The following GRHL2 variants were observed in gnomAD, a reference collection of about 807,000 sequenced individuals.
The protein encoded by GRHL2 is grainyhead like transcription factor 2.
In GRHL2, 21 loss-of-function variants were observed where a neutral mutation model predicts 83.8. The ratio of observed to expected loss-of-function variants is 0.25; its 90% CI spans 0.18 to 0.36. GRHL2 has a LOEUF of 0.36. Among genes scored for constraint, GRHL2 ranks in the 10% least tolerant of loss-of-function variants. The pLI, the probability that GRHL2 is intolerant of heterozygous loss-of-function variation, is 1.00. For missense variants in GRHL2, 623 were observed against 781.8 expected (o/e 0.80, Z 2.42); for synonymous variants, 280 against 278.9 (o/e 1.00, Z -0.04).
At chr8:101,653,686 G>C (rs560075462) in intron 14 of GRHL2, among the ~76,000 whole-genome samples, 1 of 151,788 alleles carries the variant, frequency 6.6e-6, no homozygotes, top group South Asian at 2.1e-4. Flanking sequence ...AGTTCGCAGT[G>C]AGCTGAGATT....
At chr8:101,604,586 C>T (rs1007917862) in intron 8 of GRHL2, among the ~76,000 whole-genome samples, 6 of 152,154 alleles carry the variant, frequency 3.9e-5, no homozygotes, top group African/African-American at 9.7e-5. Context: ...TTCAGGAACA[C>T]TTTTCCTTTT....
At position 101,669,254 on chromosome 8, in the gene GRHL2, C is replaced by CTTTTCTTTCTTTTTTTTT. The variant is rs77984682; in HGVS notation, c.*2555_*2556insCTTTCTTTTTTTTTTTTT. Reference sequence around the variant, plus strand: ...GGACATGTGAAATGAGCATTTTTTTCTTTTTTTTTTTTAACAAAGTCTGAA... The same window carrying CTTTTCTTTCTTTTTTTTT: ...GGACATGTGAAATGAGCATTTTTTTCTTTTCTTTCTTTTTTTTTTTTTTTTTTTTTAACAAAGTCTGAA... On this transcript the variant is annotated 3_prime_UTR_variant, in exon 16 of 16. Coordinates refer to ENST00000646743, the MANE Select transcript of GRHL2 (RefSeq NM_024915.4). The CTTTTCTTTCTTTTTTTTT allele has an allele frequency of 7.9e-6, 1 of 126,626 alleles. No individual in the cohort carries two copies. Among genetic ancestry groups the CTTTTCTTTCTTTTTTTTT allele is most frequent in the Admixed American group, 8.7e-5 (1 of 11,488 alleles). 7.8% of individuals were successfully genotyped at this position (126,626 alleles called of 1,614,324 possible). A position where few individuals can be genotyped will look rare whatever the true frequency, so the allele number is the denominator to read the frequency against.
downstream of GRHL2, among the ~76,000 whole-genome samples, chr8:101,672,166 T>G (rs1399238398): frequency 6.6e-6 from 1 of 151,690 alleles, no homozygotes; most frequent in African/African-American, 2.4e-5. Flanking sequence ...TCCAAAGGAA[T>G]GCAGCTCCTC....
rs144529407 is a variant in GRHL2, at chr8:101,612,823, G to T, written c.1099-6716G>T. On this transcript the variant is annotated intron_variant, in intron 8 of 15. Coordinates refer to ENST00000646743, the MANE Select transcript of GRHL2 (RefSeq NM_024915.4). ...ATGGGCCTAGTACTGGGAATAGAGT[G>T]AGCTTGAGGAAGGCAAGTACCCTCC... is the stretch of plus-strand genomic sequence containing the variant. 4.0e-5 allele frequency among the ~76,000 whole-genome samples: 6 copies of T among 151,066 alleles called. No homozygotes were observed. The East Asian group carries it at 1.2e-3, about 29-fold the overall frequency.
intron 1 of GRHL2, among the ~76,000 whole-genome samples, chr8:101,524,415 T>A (rs1449593503): frequency 6.6e-6 from 1 of 152,192 alleles, no homozygotes; most frequent in Non-Finnish European, 1.5e-5. Context: ...TTCTAACACG[T>A]TACATGCTTA....
rs777841934 is a variant in GRHL2, at chr8:101,570,368, G to A, written c.708G>A (p.Glu236=). The A allele has an allele frequency of 2.5e-6, 4 of 1,613,884 alleles. No homozygotes were observed. The African/African-American group carries it at 4.0e-5, about 16-fold the overall frequency. ...TTCGGAGTGCTTCAGTTGGGGCTGA[G>A]GAGTACATGTATGATCAGACATCAA... ...EKFRSASVGA[E]EYMYDQTSSG... The change falls in exon 5 of 16, where the codon GAG becomes GAA. Residue 236 remains glutamate, a synonymous_variant. Coordinates refer to ENST00000646743, the MANE Select transcript of GRHL2 (RefSeq NM_024915.4).
intron 12 of GRHL2, among the ~76,000 whole-genome samples, chr8:101,641,200 G>A (rs1438182163): frequency 6.6e-6 from 1 of 151,806 alleles, no homozygotes; most frequent in African/African-American, 2.4e-5. Context: ...AATCATTTTG[G>A]GCTAAGTTCT....
chr8:101,562,078 A>G (rs1428507369), intron 4 of GRHL2: 2 of 693,700 alleles, frequency 2.9e-6, no homozygotes, highest in Non-Finnish European at 5.4e-6. Flanking sequence ...TTTGCCTGCA[A>G]GGGGGGCTCA....
intron 1 of GRHL2, among the ~76,000 whole-genome samples, chr8:101,513,491 A>G (rs1366696823): frequency 1.0e-4 from 2 of 20,074 alleles, no homozygotes; most frequent in African/African-American, 2.4e-4. Context: ...GGTGCAGGCT[A>G]TCGTTGTGCT....
rs1429548865 is a variant in GRHL2 at position 101,652,399 on chromosome 8, CTGG to C, written c.1698+2903_1698+2905del. ...ATGTGTGTGTGGTGTGTGTGTGTGTCTGGTGTGTGTGTGGTGTGTGTGTGTGGT... is the reference window on the plus strand; with the variant it reads ...ATGTGTGTGTGGTGTGTGTGTGTGTCTGTGTGTGTGGTGTGTGTGTGTGGT... On this transcript the variant is annotated intron_variant, in intron 14 of 15. Coordinates refer to ENST00000646743, the MANE Select transcript of GRHL2 (RefSeq NM_024915.4). Among the ~76,000 whole-genome samples, 3 of 29,198 alleles carry C rather than the reference CTGG, an allele frequency of 1.0e-4. 1 individual carries two copies. In the Middle Eastern group the frequency reaches 0.075, roughly 730 times the overall value. The allele number at this position is 29,198 out of a possible 152,430, so 19.2% of individuals were successfully genotyped here.
intron 8 of GRHL2, among the ~76,000 whole-genome samples, chr8:101,616,448 G>C (rs921062857): frequency 2.0e-5 from 3 of 152,162 alleles, no homozygotes; most frequent in African/African-American, 7.2e-5. Context: ...TGGGATTACA[G>C]GTGTGAGCCA....
In GRHL2 at chr8:101,632,301, T is replaced by G. The variant is rs1400871790; in HGVS notation, c.1421T>G (p.Leu474Arg). Residue 474 changes from leucine (L) to arginine (R), a missense_variant, in exon 11 of 16, where the codon CTC becomes CGC. Transcript: ENST00000646743. ...ACCTACTTCAAAACCATGCCTGATC[T>G]CCACTCACAGCCAGTTCTCTTCATA... ...DITYFKTMPD[L>R]HSQPVLFIPD... 2 of 1,613,944 alleles carry G rather than the reference T, an allele frequency of 1.2e-6. No individual in the cohort carries two copies. Among genetic ancestry groups the G allele is most frequent in the Non-Finnish European group, 1.7e-6 (2 of 1,179,964 alleles).
At chr8:101,542,778 T>G (rs1256539547) in intron 1 of GRHL2, 2 of 456,594 alleles carry the variant, frequency 4.4e-6, no homozygotes, top group Non-Finnish European at 8.8e-6. Flanking sequence ...CATCATCTTA[T>G]GGGGAAAGAT....
In GRHL2 at chr8:101,622,499, A is replaced by T. The variant is rs142082601; in HGVS notation, c.1257+2802A>T. ...GACAGTGTGACAGTATATTCTGACA[A>T]GGTATAGACATCGTACAATTATTTT... On this transcript the variant is annotated intron_variant, in intron 9 of 15. Coordinates refer to ENST00000646743, the MANE Select transcript of GRHL2 (RefSeq NM_024915.4). 3.9e-5 allele frequency among the ~76,000 whole-genome samples: 6 copies of T among 152,300 alleles called. No homozygotes were observed. The East Asian group carries it at 1.2e-3, about 29-fold the overall frequency.
At chr8:101,637,040 C>T (rs1023463706) in intron 12 of GRHL2, 112 bp downstream of exon 12, 26 of 950,414 alleles carry the variant, frequency 2.7e-5, no homozygotes, top group Middle Eastern at 2.1e-4. Flanking sequence ...CCTCTCACCT[C>T]AGGACTCAGA....
Position 101,589,566 on chromosome 8 carries a change from T to G in GRHL2, c.1004-9491T>G, listed in dbSNP as rs1052114101. Among the ~76,000 whole-genome samples the G allele has an allele frequency of 2.6e-5, 4 of 152,246 alleles. No homozygotes were observed. The East Asian group carries it at 7.7e-4, about 29-fold the overall frequency. On this transcript the variant is annotated intron_variant, in intron 7 of 15. Transcript: ENST00000646743. Reference sequence around the variant, plus strand: ...GTTACAATGTCAAATGTTCATACTCTGTGCTTATGGTCAGTACAACTTGAA... The same window carrying G: ...GTTACAATGTCAAATGTTCATACTCGGTGCTTATGGTCAGTACAACTTGAA...
intron 4 of GRHL2, among the ~76,000 whole-genome samples, chr8:101,566,650 G>T (rs1408309955): frequency 6.7e-6 from 1 of 149,380 alleles, no homozygotes; most frequent in Non-Finnish European, 1.5e-5. Context: ...CTGCCCGATT[G>T]ATTTTTTTTA....
intron 14 of GRHL2, among the ~76,000 whole-genome samples, chr8:101,655,565 A>ATCAT (rs1339779761): frequency 6.6e-6 from 1 of 152,180 alleles, no homozygotes; most frequent in Admixed American, 6.5e-5. Context: ...CTGCCAGAAA[A>ATCAT]TCATTATCTC....
At chr8:101,493,048 G>A (rs1019895524) in intron 1 of GRHL2, among the ~76,000 whole-genome samples, 2 of 152,072 alleles carry the variant, frequency 1.3e-5, no homozygotes, top group African/African-American at 4.8e-5. Flanking sequence ...TCTTCCCTTA[G>A]GAATGGTCTC....
Sources: allele counts gnomAD v4.1 joint callset (sites outside exome capture counted in the v4.1 genomes callset), GRCh38; gene constraint gnomAD v4.1.1; transcripts MANE v1.5; gene names NCBI Gene and HGNC (gene_info 2026-07-23, HGNC 2026-07-21).